The following FAM135B variants were observed in gnomAD, a reference collection of about 807,000 sequenced individuals.
FAM135B encodes the protein protein FAM135B.
Under a neutral mutation model 127.7 loss-of-function variants are expected in FAM135B, and 43 were observed. The observed-to-expected ratio is 0.34, with a 90% CI of 0.26 to 0.43. FAM135B has a LOEUF of 0.43. Ranked by LOEUF, FAM135B falls within the 20% of genes least tolerant of loss-of-function variation. The pLI is 1.00. For synonymous variants in FAM135B, 670 were observed against 665.1 expected (o/e 1.01, Z -0.11); for missense variants, 1,558 against 1,725.6 (o/e 0.90, Z 1.72).
intron 1 of FAM135B, among the ~76,000 whole-genome samples, chr8:138,456,454 C>A (rs986076808): frequency 6.6e-6 from 1 of 152,132 alleles, no homozygotes; most frequent in Non-Finnish European, 1.5e-5. Context: ...AAGGTTAGGA[C>A]AGGGTCTTAG....
intron 1 of FAM135B, among the ~76,000 whole-genome samples, chr8:138,372,604 TAC>T: frequency 6.6e-6 from 1 of 152,208 alleles, no homozygotes; most frequent in African/African-American, 2.4e-5. Context: ...ACAATAATAA[TAC>T]CTACTTCCTG....
At chr8:138,318,970 A>AT (rs1434561072) in intron 2 of FAM135B, among the ~76,000 whole-genome samples, 1 of 152,186 alleles carries the variant, frequency 6.6e-6, no homozygotes, top group Non-Finnish European at 1.5e-5. Flanking sequence ...ATACTGTTTG[A>AT]TCCCCATAGG....
intron 2 of FAM135B, among the ~76,000 whole-genome samples, chr8:138,336,605 G>A (rs1195211775): frequency 2.0e-5 from 3 of 152,142 alleles, no homozygotes; most frequent in Admixed American, 6.5e-5. Context: ...TCAAATTGAG[G>A]CAATAACTAA....
intron 3 of FAM135B, among the ~76,000 whole-genome samples, chr8:138,281,412 C>T (rs1333049618): frequency 6.6e-6 from 1 of 151,758 alleles, no homozygotes; most frequent in Non-Finnish European, 1.5e-5. Flanking sequence ...TTCTCCATTG[C>T]TCTACTCACT....
intron 2 of FAM135B, among the ~76,000 whole-genome samples, chr8:138,355,021 C>A (rs2131142203): frequency 6.6e-6 from 1 of 152,208 alleles, no homozygotes; most frequent in African/African-American, 2.4e-5. Context: ...TCCTCCCACC[C>A]TACAGCAGGC....
chr8:138,425,648 C>T (rs908041217), intron 1 of FAM135B: 1 of 151,194 alleles, frequency 6.6e-6, no homozygotes, highest in East Asian at 2.0e-4. Context: ...TGTGCTAAGC[C>T]TCATTCACCC....
chr8:138,260,066 T>A (rs750346427), intron 4 of FAM135B, among the ~76,000 whole-genome samples: 1 of 152,176 alleles, frequency 6.6e-6, no homozygotes, highest in African/African-American at 2.4e-5. Context: ...CCTGTTTACT[T>A]ATATGGGCTT....
intron 1 of FAM135B, among the ~76,000 whole-genome samples, chr8:138,387,611 C>T (rs2131311700): frequency 6.6e-6 from 1 of 152,258 alleles, no homozygotes; most frequent in East Asian, 1.9e-4. Flanking sequence ...TTTCTTGGAG[C>T]TCCTGTTATG....
At chr8:138,171,615 T>C (rs139618963) in intron 11 of FAM135B, among the ~76,000 whole-genome samples, 82 of 152,318 alleles carry the variant, frequency 5.4e-4, no homozygotes, top group Middle Eastern at 3.4e-3. Flanking sequence ...CAACATGGCA[T>C]ATGCAGGGAA....
intron 1 of FAM135B, among the ~76,000 whole-genome samples, chr8:138,416,951 T>C (rs186439590): frequency 1.3e-5 from 2 of 152,272 alleles, no homozygotes; most frequent in African/African-American, 2.4e-5. Context: ...AGTCTCATCA[T>C]GGACCTCCAG....
At chr8:138,251,192 C>T (rs1296388706) in intron 5 of FAM135B, among the ~76,000 whole-genome samples, 178 bp from the exon 6 acceptor site, 1 of 152,190 alleles carries the variant, frequency 6.6e-6, no homozygotes, top group Non-Finnish European at 1.5e-5. Flanking sequence ...GATGAGAAAA[C>T]CATGGCTCAC....
rs369757079 is a variant in FAM135B, at chr8:138,137,275, C to A, written c.3902-15G>T. 4.4e-6 allele frequency: 6 copies of A among 1,376,082 alleles called. No homozygotes were observed. In the African/African-American group the frequency reaches 8.6e-5, roughly 20 times the overall value. 85.2% of individuals were successfully genotyped at this position (1,376,082 alleles called of 1,614,324 possible). ...ATACTGCAGCCCTGTAAAAATTAGC[C>A]AGATGAGTGCTTTTTACCCAGGTAG... On this transcript the variant is annotated splice_polypyrimidine_tract_variant and intron_variant, in intron 18 of 19. Coordinates refer to ENST00000395297, the MANE Select transcript of FAM135B (RefSeq NM_015912.4).
intron 6 of FAM135B, among the ~76,000 whole-genome samples, chr8:138,249,743 C>T (rs925126881): frequency 3.3e-5 from 5 of 152,178 alleles, no homozygotes; most frequent in African/African-American, 1.2e-4. Flanking sequence ...CCTGTACATG[C>T]ACCTAAACTG....
Position 138,163,765 on chromosome 8 carries a change from C to T in FAM135B, c.1258+4130G>A, listed in dbSNP as rs532029660. Among the ~76,000 whole-genome samples the T allele has an allele frequency of 5.9e-5, 9 of 152,266 alleles. No individual in the cohort carries two copies. In the South Asian group the frequency reaches 1.9e-3, roughly 32 times the overall value. The stretch of plus-strand genomic sequence containing the variant: ...TCAACAGCATGAGAACATACTAATA[C>T]ACCATGAACAAATGCTATTGTCACA... On this transcript the variant is annotated intron_variant, in intron 12 of 19. Coordinates refer to ENST00000395297, the MANE Select transcript of FAM135B (RefSeq NM_015912.4).
chr8:138,368,577 T>G (rs1262865286), intron 1 of FAM135B, among the ~76,000 whole-genome samples: 1 of 152,198 alleles, frequency 6.6e-6, no homozygotes, highest in Non-Finnish European at 1.5e-5. Context: ...ATCATTGATA[T>G]TATAAATGCA....
intron 7 of FAM135B, among the ~76,000 whole-genome samples, chr8:138,208,783 T>C (rs1162498421): frequency 6.6e-6 from 1 of 152,216 alleles, no homozygotes; most frequent in African/African-American, 2.4e-5. Context: ...ATATGAATCC[T>C]TCCACTGGTG....
chr8:138,216,392 T>A (rs1274519245), intron 7 of FAM135B, among the ~76,000 whole-genome samples: 1 of 152,030 alleles, frequency 6.6e-6, no homozygotes, highest in East Asian at 1.9e-4. Flanking sequence ...ATGCTGAAGG[T>A]TATAGCATGA....
chr8:138,150,738 T>C (rs993802185), intron 13 of FAM135B, among the ~76,000 whole-genome samples: 2 of 152,104 alleles, frequency 1.3e-5, no homozygotes, highest in Admixed American at 6.6e-5. Flanking sequence ...TGTAAAGAAT[T>C]TGGTTAATAA....
Position 138,256,721 on chromosome 8 carries a change from C to T in FAM135B, c.336G>A (p.Lys112=), listed in dbSNP as rs2130544934. Residue 112 remains lysine, a synonymous_variant, in exon 5 of 20, where the codon AAG becomes AAA. Coordinates refer to ENST00000395297, the MANE Select transcript of FAM135B (RefSeq NM_015912.4). ...DALSEVDFQL[K]VDLHFTDSEQ... The stretch of plus-strand genomic sequence containing the variant: ...CACTGTCCGTAAAGTGCAGATCCAC[C>T]TTGAGTTGAAAATCTACTTCACTCA... The T allele has an allele frequency of 6.2e-7, 1 of 1,613,988 alleles. No homozygotes were observed. Among genetic ancestry groups the T allele is most frequent in the Non-Finnish European group, 8.5e-7 (1 of 1,179,946 alleles).
Sources: allele counts gnomAD v4.1 joint callset (sites outside exome capture counted in the v4.1 genomes callset), GRCh38; gene constraint gnomAD v4.1.1; transcripts MANE v1.5; gene names NCBI Gene and HGNC (gene_info 2026-07-23, HGNC 2026-07-21).